KIF20B: variants seen among roughly 807,000 people sequenced by gnomAD.
The protein encoded by KIF20B is kinesin-like protein KIF20B.
A neutral mutation model predicts 232.5 loss-of-function variants in KIF20B; 188 were observed. The ratio of observed to expected loss-of-function variants is 0.81; its 90% CI spans 0.72 to 0.91. The LOEUF (loss-of-function observed/expected upper bound fraction) is 0.91, where lower values mean the gene tolerates loss of function less well. Ranked by LOEUF, KIF20B falls within the 40% of genes least tolerant of loss-of-function variation. The probability of loss-of-function intolerance (pLI) is 0.00; values close to 1 mark genes in which losing one functional copy is unlikely to be tolerated. For missense variants in KIF20B, 2,154 were observed against 2,055.9 expected (o/e 1.05, Z -0.92); for synonymous variants, 712 against 683.0 (o/e 1.04, Z -0.66).
chr10:89,713,905 G>C (rs1842884364), intron 6 of KIF20B, 142 bp from the exon 7 acceptor site: 1 of 371,108 alleles, frequency 2.7e-6, no homozygotes, highest in Non-Finnish European at 4.8e-6. Context: ...TATTTAACTA[G>C]GAAAAATTAA....
In KIF20B at chr10:89,711,986, T is replaced by G. The variant is rs547208126; in HGVS notation, c.675+841T>G. 8.5e-5 allele frequency among the ~76,000 whole-genome samples: 13 copies of G among 152,272 alleles called. No homozygotes were observed. In the East Asian group the frequency reaches 2.3e-3, roughly 27 times the overall value. On this transcript the variant is annotated intron_variant, in intron 6 of 32. Coordinates refer to ENST00000371728, the MANE Select transcript of KIF20B (RefSeq NM_001284259.2). Reference sequence around the variant, plus strand: ...ATTGGATATTTAATAATGTCTGGTTTGATAGGTGAAAAATGGCTCACTTGA... The same window carrying G: ...ATTGGATATTTAATAATGTCTGGTTGGATAGGTGAAAAATGGCTCACTTGA...
intron 13 of KIF20B, among the ~76,000 whole-genome samples, chr10:89,721,210 A>G (rs1431023086): frequency 1.3e-5 from 2 of 152,204 alleles, no homozygotes; most frequent in Admixed American, 6.5e-5. Flanking sequence ...TTAATAATTT[A>G]CCTTCATGTC....
At chr10:89,753,860 C>T (rs12263925) in intron 25 of KIF20B, among the ~76,000 whole-genome samples, 2,551 of 152,174 alleles carry the variant, frequency 0.017, 88 homozygotes, top group African/African-American at 0.058. Context: ...CCTCGTGATC[C>T]GCCCACCTTG....
intron 26 of KIF20B, among the ~76,000 whole-genome samples, chr10:89,756,389 C>T (rs1289907801): frequency 6.6e-6 from 1 of 152,136 alleles, no homozygotes; most frequent in Non-Finnish European, 1.5e-5. Context: ...AGTGGTTTCT[C>T]TGGTAGCAAT....
In KIF20B at chr10:89,731,332, ATTAG is replaced by A. The variant is rs200917063; in HGVS notation, c.2392-1565_2392-1562del. Reference sequence around the variant, plus strand: ...ATAGTAAAAAAATCAATATTTGTAAATTAGTTAGTCCTTGCTTGTAAATAAACTT... The same window carrying A: ...ATAGTAAAAAAATCAATATTTGTAAATTAGTCCTTGCTTGTAAATAAACTT... On this transcript the variant is annotated intron_variant, in intron 18 of 32. Transcript: ENST00000371728. Among the ~76,000 whole-genome samples, 1,257 of 152,246 alleles carry A rather than the reference ATTAG, an allele frequency of 8.3e-3. 12 individuals are homozygous for A. The highest frequency in any genetic ancestry group is 0.013 in the Admixed American group (199 of 15,290).
At chr10:89,773,650 C>T (rs1045574947) in intron 32 of KIF20B, among the ~76,000 whole-genome samples, 9 of 151,860 alleles carry the variant, frequency 5.9e-5, no homozygotes, top group African/African-American at 1.9e-4. Flanking sequence ...TTTGTTGCCA[C>T]GAAAGATCAT....
chr10:89,717,055 A>G (rs1428499313), intron 9 of KIF20B, among the ~76,000 whole-genome samples: 14 of 152,212 alleles, frequency 9.2e-5, no homozygotes, highest in Non-Finnish European at 1.3e-4. Context: ...ATCCGGATCT[A>G]TAGGTCAAAT....
At chr10:89,753,745 C>T (rs1344982851) in intron 25 of KIF20B, among the ~76,000 whole-genome samples, 27 of 152,014 alleles carry the variant, frequency 1.8e-4, no homozygotes, top group Admixed American at 1.6e-3. Flanking sequence ...CTCAGCCTCC[C>T]GAGTAGCTGG....
chr10:89,738,698 C>T, intron 20 of KIF20B, 81 bp downstream of exon 20: 2 of 1,437,680 alleles, frequency 1.4e-6, no homozygotes, highest in Admixed American at 5.6e-5. Context: ...GTTAGATAGT[C>T]ATACTTAATC....
At chr10:89,728,631 A>G (rs1265165156) in intron 17 of KIF20B, among the ~76,000 whole-genome samples, 1 of 151,808 alleles carries the variant, frequency 6.6e-6, no homozygotes, top group Non-Finnish European at 1.5e-5. Flanking sequence ...TCAGCCTCCC[A>G]AGTAGTTAGG....
In KIF20B at chr10:89,738,050, C is replaced by G. The variant is rs541996453; in HGVS notation, c.3209C>G (p.Ala1070Gly). 1 of 1,613,148 alleles carries G rather than the reference C, an allele frequency of 6.2e-7. No homozygotes were observed. The highest frequency in any genetic ancestry group is 2.2e-5 in the East Asian group (1 of 44,798). ...IWEECKEIVK[A>G]SSKKSHQIEE... Reference sequence around the variant, plus strand: ...GAAGAATGTAAAGAGATTGTGAAGGCCTCTTCCAAAAAAAGTCATCAGATT... The same window carrying G: ...GAAGAATGTAAAGAGATTGTGAAGGGCTCTTCCAAAAAAAGTCATCAGATT... The change falls in exon 20 of 33, where the codon GCC (alanine) becomes GGC (glycine). Residue 1070 changes from alanine to glycine, a missense_variant. Physicochemically the swap from Ala to Gly is moderately conservative, Grantham distance 60. Coordinates refer to ENST00000371728, the MANE Select transcript of KIF20B (RefSeq NM_001284259.2).
intron 29 of KIF20B, among the ~76,000 whole-genome samples, chr10:89,763,734 C>T (rs1167704378): frequency 6.6e-6 from 1 of 151,894 alleles, no homozygotes; most frequent in Non-Finnish European, 1.5e-5. Flanking sequence ...GTTTCTGATC[C>T]TGTTTTCTCC....
At chr10:89,718,434 C>T (rs909091249) in intron 11 of KIF20B, among the ~76,000 whole-genome samples, 1 of 152,146 alleles carries the variant, frequency 6.6e-6, no homozygotes, top group African/African-American at 2.4e-5. Flanking sequence ...TCGCTTGAGC[C>T]TAAGATGTTG....
intron 8 of KIF20B, among the ~76,000 whole-genome samples, chr10:89,715,415 G>A (rs1444914408): frequency 1.3e-5 from 2 of 151,404 alleles, no homozygotes; most frequent in Non-Finnish European, 2.9e-5. Context: ...TTGGATTTGT[G>A]GTGATGGGAA....
intron 12 of KIF20B, 108 bp downstream of exon 12, chr10:89,718,980 A>G: frequency 1.3e-6 from 1 of 744,906 alleles, no homozygotes; most frequent in East Asian, 3.2e-5. Flanking sequence ...TTGAAAATTA[A>G]AAAGGTAAAT....
At chr10:89,712,231 C>T (rs1286673626) in intron 6 of KIF20B, among the ~76,000 whole-genome samples, 3 of 151,870 alleles carry the variant, frequency 2.0e-5, no homozygotes, top group Non-Finnish European at 4.4e-5. Flanking sequence ...CCCCTGCCCC[C>T]ATTGTGTTTT....
chr10:89,726,613 G>A (rs544148761), intron 16 of KIF20B, 92 bp downstream of exon 16: 114 of 1,061,104 alleles, frequency 1.1e-4, no homozygotes, highest in South Asian at 4.6e-4. Context: ...CTCATTTACC[G>A]TAGTGACCAG....
intron 29 of KIF20B, among the ~76,000 whole-genome samples, chr10:89,765,189 G>T (rs2133172694): frequency 6.6e-6 from 1 of 152,176 alleles, no homozygotes; most frequent in South Asian, 2.1e-4. Context: ...GTTTGTCAAA[G>T]ATCAGATAGT....
At chr10:89,708,485 AC>A (rs1318968819) in intron 2 of KIF20B, among the ~76,000 whole-genome samples, 7 of 152,182 alleles carry the variant, frequency 4.6e-5, no homozygotes, top group African/African-American at 1.7e-4. Context: ...TGTTGGGATT[AC>A]AGGCATGAGC....
Sources: gnomAD v4.1 joint callset for allele counts (sites outside exome capture counted in the v4.1 genomes callset) on GRCh38, gnomAD v4.1.1 for gene constraint, MANE v1.5 for transcripts, NCBI Gene and HGNC (gene_info 2026-07-23, HGNC 2026-07-21) for gene names.